Variants in USP37 observed in about 807,000 individuals in gnomAD.
USP37 encodes ubiquitin specific peptidase 37.
Under a neutral mutation model 124.0 loss-of-function variants are expected in USP37, and 27 were observed. The ratio of observed to expected loss-of-function variants is 0.22; its 90% CI spans 0.16 to 0.30. The LOEUF is 0.30. Among genes scored for constraint, USP37 ranks in the 10% least tolerant of loss-of-function variants. The pLI is 1.00. For synonymous variants in USP37, 365 were observed against 388.0 expected (o/e 0.94, Z 0.70); for missense variants, 889 against 1,140.4 (o/e 0.78, Z 3.17).
At position 218,558,536 on chromosome 2, in the gene USP37, C is replaced by G; in HGVS notation, c.118G>C (p.Val40Leu). Residue 40 changes from valine to leucine, a missense_variant, in exon 4 of 26, where the codon GTT becomes CTT. Coordinates refer to ENST00000258399, the MANE Select transcript of USP37 (RefSeq NM_020935.3). ...GGAATTCCTCCAGTATTGTAGTGAA[C>G]TACTAGGCTGACTTTATTCTCTTTT... ...VEKENKVSLV[V>L]HYNTGGIPRI... is the part of the protein sequence containing the mutation. 6.2e-7 allele frequency: 1 copy of G among 1,613,470 alleles called. No individual in the cohort carries two copies. Among genetic ancestry groups the G allele is most frequent in the Non-Finnish European group, 8.5e-7 (1 of 1,179,766 alleles).
rs561796393 is a variant in USP37, at chr2:218,453,547, C to T, written c.*1383G>A. On this transcript the variant is annotated 3_prime_UTR_variant, in exon 26 of 26. Transcript: ENST00000258399. ...TAACTCTGTGTGATCCTAATGATAT[C>T]TGGGCTCACAAAATTATTTTGTGGA... 35 of 152,208 alleles carry T rather than the reference C, an allele frequency of 2.3e-4. No individual in the cohort carries two copies. Among genetic ancestry groups the T allele is most frequent in the African/African-American group, 8.4e-4 (35 of 41,538 alleles). The allele number at this position is 152,208 out of a possible 1,614,324, so 9.4% of individuals were successfully genotyped here.
At position 218,453,780 on chromosome 2, in the gene USP37, C is replaced by G. The variant is rs1018508872; in HGVS notation, c.*1150G>C. ...ACCTAAGCCAATCACATTTTAATTGCAACCCTATTTTAAGGGCAAAGCCAG... is the reference window on the plus strand; with the variant it reads ...ACCTAAGCCAATCACATTTTAATTGGAACCCTATTTTAAGGGCAAAGCCAG... On this transcript the variant is annotated 3_prime_UTR_variant, in exon 26 of 26. Coordinates refer to ENST00000258399, the MANE Select transcript of USP37 (RefSeq NM_020935.3). The G allele has an allele frequency of 1.3e-5, 2 of 152,176 alleles. No individual in the cohort carries two copies. Among genetic ancestry groups the G allele is most frequent in the African/African-American group, 2.4e-5 (1 of 41,438 alleles). 9.4% of individuals were successfully genotyped at this position (152,176 alleles called of 1,614,324 possible). A position where few individuals can be genotyped will look rare whatever the true frequency, so the allele number is the denominator to read the frequency against.
chr2:218,541,210 TTAA>T, intron 8 of USP37, among the ~76,000 whole-genome samples: 2 of 152,298 alleles, frequency 1.3e-5, no homozygotes, highest in Middle Eastern at 6.8e-3. Flanking sequence ...GGGGTGCTTT[TTAA>T]TCAAGGAGGA....
At chr2:218,467,431 C>A (rs1312103794) in intron 20 of USP37, among the ~76,000 whole-genome samples, 1 of 152,266 alleles carries the variant, frequency 6.6e-6, no homozygotes, top group East Asian at 1.9e-4. Flanking sequence ...TCACTGCAAC[C>A]TTTGCCTCTA....
intron 11 of USP37, among the ~76,000 whole-genome samples, chr2:218,506,286 C>CTTTTTTTTTTTTTTTTT (rs60620765): frequency 1.4e-5 from 1 of 72,618 alleles, no homozygotes; most frequent in African/African-American, 5.7e-5. Context: ...TTCTTTCTGG[C>CTTTTTTTTTTTTTTTTT]TTTTTTTTTT....
At chr2:218,463,229 C>CAT in intron 22 of USP37, 77 bp downstream of exon 22, 1 of 930,152 alleles carries the variant, frequency 1.1e-6, no homozygotes, top group South Asian at 1.3e-5. Context: ...CACACACACA[C>CAT]ACTTTCTTTA....
At chr2:218,546,067 T>A (rs1191602574) in intron 8 of USP37, among the ~76,000 whole-genome samples, 154 bp downstream of exon 8, 1 of 152,206 alleles carries the variant, frequency 6.6e-6, no homozygotes, top group African/African-American at 2.4e-5. Flanking sequence ...CTATTGAGCC[T>A]ACAGTCTACT....
intron 20 of USP37, among the ~76,000 whole-genome samples, chr2:218,467,132 AGT>A (rs968959735): frequency 6.6e-6 from 1 of 152,108 alleles, no homozygotes; most frequent in Non-Finnish European, 1.5e-5. Context: ...GGCAATATAC[AGT>A]GTGTGTTTAA....
At chr2:218,553,406 T>C (rs1309066289) in intron 5 of USP37, 147 bp downstream of exon 5, 2 of 722,264 alleles carry the variant, frequency 2.8e-6, no homozygotes. Context: ...TATGGTGAAC[T>C]ATCTTTGAAT....
intron 14 of USP37, among the ~76,000 whole-genome samples, chr2:218,495,014 T>TA (rs1688998885): frequency 6.6e-6 from 1 of 152,034 alleles, no homozygotes; most frequent in Non-Finnish European, 1.5e-5. Flanking sequence ...AACAAATCGA[T>TA]ATTCTACAAT....
At chr2:218,547,583 CAAAA>C (rs58787835) in intron 6 of USP37, among the ~76,000 whole-genome samples, 4 of 71,612 alleles carry the variant, frequency 5.6e-5, no homozygotes, top group African/African-American at 8.6e-5. Flanking sequence ...AATTACTAAC[CAAAA>C]AAAAAAAAAA....
chr2:218,481,285 T>C (rs1208841129), intron 17 of USP37, among the ~76,000 whole-genome samples: 1 of 152,234 alleles, frequency 6.6e-6, no homozygotes, highest in Non-Finnish European at 1.5e-5. Context: ...TGATAATATA[T>C]GCATGAAGGC....
intron 8 of USP37, among the ~76,000 whole-genome samples, chr2:218,540,531 T>C (rs1338568130): frequency 6.6e-6 from 1 of 152,030 alleles, no homozygotes; most frequent in Non-Finnish European, 1.5e-5. Flanking sequence ...TGCCTGTAGT[T>C]CTATTTGGGA....
chr2:218,469,024 T>G (rs1254170138), intron 20 of USP37, among the ~76,000 whole-genome samples: 1 of 152,202 alleles, frequency 6.6e-6, no homozygotes, highest in African/African-American at 2.4e-5. Context: ...GTGGCACAGG[T>G]AACCCTGAAG....
Position 218,562,744 on chromosome 2 carries a change from C to CA in USP37, c.-161dup. On this transcript the variant is annotated 5_prime_UTR_variant, in exon 2 of 26. The change creates a premature stop within an existing upstream ORF in the 5' untranslated region. Transcript: ENST00000258399. ...TTTATTCTGATCCTTGTGCCAAAGG[C>CA]AAAGCACTCTTCTTGGGACACTACT... 2.5e-6 allele frequency: 1 copy of CA among 398,598 alleles called. No individual in the cohort carries two copies. The highest frequency in any genetic ancestry group is 4.4e-6 in the Non-Finnish European group (1 of 226,066). The allele number at this position is 398,598 out of a possible 1,614,324, so 24.7% of individuals were successfully genotyped here.
intron 20 of USP37, among the ~76,000 whole-genome samples, chr2:218,472,911 T>G (rs1690773559): frequency 6.6e-6 from 1 of 152,204 alleles, no homozygotes; most frequent in Non-Finnish European, 1.5e-5. Flanking sequence ...TTTGTAGAAT[T>G]TTTTCTAACC....
At chr2:218,506,170 T>C (rs1689666623) in intron 11 of USP37, among the ~76,000 whole-genome samples, 3 of 152,028 alleles carry the variant, frequency 2.0e-5, no homozygotes, top group Non-Finnish European at 4.4e-5. Context: ...AGCAGGATTA[T>C]AGTTTTTAAC....
At position 218,558,561 on chromosome 2, in the gene USP37, T is replaced by A; in HGVS notation, c.93A>T (p.Glu31Asp). The change falls in exon 4 of 26, where the codon GAA (glutamate) becomes GAT (aspartate). Residue 31 changes from glutamate to aspartate, a missense_variant. Glu to Asp is a conservative substitution (Grantham distance 45, BLOSUM62 2). Around this residue, in one of 3 missense-constraint regions of USP37, gnomAD observed 374 missense variants for 386.0 expected, o/e 0.97. Transcript: ENST00000258399. ...KWKEGSFEIV[E>D]KENKVSLVVH... ...CTACTAGGCTGACTTTATTCTCTTTTTCTACAATTTCAAAGGATCCTTCTT... is the reference window on the plus strand; with the variant it reads ...CTACTAGGCTGACTTTATTCTCTTTATCTACAATTTCAAAGGATCCTTCTT... The A allele has an allele frequency of 6.2e-7, 1 of 1,613,694 alleles. No homozygotes were observed. The highest frequency in any genetic ancestry group is 1.1e-5 in the South Asian group (1 of 91,072).
At position 218,495,912 on chromosome 2, in the gene USP37, C is replaced by T. The variant is rs1309104497; in HGVS notation, c.1320G>A (p.Leu440=). The change falls in exon 14 of 26, where the codon CTG becomes CTA. Residue 440 remains leucine (L), a synonymous_variant. Coordinates refer to ENST00000258399, the MANE Select transcript of USP37 (RefSeq NM_020935.3). The part of the protein sequence containing the change: ...HEFLSQCLDQ[L]KEDMEKLNKT... ...TATTTAATTTTTCCATATCTTCTTT[C>T]AGCTGGTCCAAACACTGACTTAAAA... 2.5e-6 allele frequency: 4 copies of T among 1,613,212 alleles called. No homozygotes were observed. The highest frequency in any genetic ancestry group is 3.4e-6 in the Non-Finnish European group (4 of 1,179,852).
Sources: allele counts gnomAD v4.1 joint callset (sites outside exome capture counted in the v4.1 genomes callset), GRCh38; gene constraint gnomAD v4.1.1; regional missense constraint gnomAD v4.1.1; transcripts MANE v1.5; gene names NCBI Gene and HGNC (gene_info 2026-07-23, HGNC 2026-07-21).